The following COIL variants were observed in gnomAD, a reference collection of about 807,000 sequenced individuals.
COIL encodes coilin.
COIL carries 28 observed loss-of-function variants against 51.6 expected under a neutral mutation model. The ratio of observed to expected loss-of-function variants is 0.54; its 90% CI spans 0.40 to 0.74. COIL has a LOEUF of 0.74. Among genes scored for constraint, COIL ranks in the 30% least tolerant of loss-of-function variants. The probability of loss-of-function intolerance (pLI) is 0.00; values close to 1 mark genes in which losing one functional copy is unlikely to be tolerated. For missense variants in COIL, 667 were observed against 685.9 expected (o/e 0.97, Z 0.31); for synonymous variants, 233 against 255.8 (o/e 0.91, Z 0.85).
intron 5 of COIL, among the ~76,000 whole-genome samples, chr17:56,944,055 C>T (rs1910197797): frequency 6.6e-6 from 1 of 150,482 alleles, no homozygotes; most frequent in South Asian, 2.1e-4. Flanking sequence ...TTTTTTACGA[C>T]AGAGTCTCAC....
Position 56,946,488 on chromosome 17 carries a change from A to T in COIL, c.1512T>A (p.Asn504Lys), listed in dbSNP as rs1271668065. The T allele has an allele frequency of 3.1e-6, 5 of 1,611,344 alleles. No individual in the cohort carries two copies. Among genetic ancestry groups the T allele is most frequent in the Non-Finnish European group, 4.2e-6 (5 of 1,177,994 alleles). Residue 504 changes from asparagine to lysine, a missense_variant, in exon 5 of 7, where the codon AAT (asparagine) becomes AAA (lysine). By Grantham distance (94) the Asn-to-Lys change is moderately conservative. Coordinates refer to ENST00000240316, the MANE Select transcript of COIL (RefSeq NM_004645.3). Reference protein sequence around the residue: ...DYKEGRILSHNPETQQVDIEI... With the variant: ...DYKEGRILSHKPETQQVDIEI... ...CTATATCTACTTGCTGGGTCTCTGG[A>T]TTGTGGCTTAATATTCTTCCTTCCT... is the stretch of plus-strand genomic sequence containing the variant.
At chr17:56,951,883 C>G (rs1281184314) in intron 1 of COIL, 1 of 159,188 alleles carries the variant, frequency 6.3e-6, no homozygotes, top group Non-Finnish European at 1.4e-5. Flanking sequence ...TCACTACAAC[C>G]TCTCCCTCCC....
chr17:56,943,670 G>A (rs894353231), intron 5 of COIL, among the ~76,000 whole-genome samples: 9 of 152,108 alleles, frequency 5.9e-5, no homozygotes, highest in Admixed American at 2.6e-4. Context: ...ATCATGACGC[G>A]TATCTGTTAT....
intron 1 of COIL, chr17:56,952,248 T>C: frequency 1.0e-5 from 5 of 493,390 alleles, no homozygotes; most frequent in South Asian, 7.4e-5. Flanking sequence ...GCCTCAGATT[T>C]GACGTGCAAC....
Position 56,942,030 on chromosome 17 carries a change from C to T in COIL, c.1647+5G>A. 1.2e-6 allele frequency: 2 copies of T among 1,611,778 alleles called. No homozygotes were observed. The highest frequency in any genetic ancestry group is 2.2e-5 in the East Asian group (1 of 44,862). On this transcript the variant is annotated splice_donor_5th_base_variant and intron_variant, in intron 6 of 6. Coordinates refer to ENST00000240316, the MANE Select transcript of COIL (RefSeq NM_004645.3). Reference sequence around the variant, plus strand: ...CAAGCAACGCAAGAAGAGAAGCACACCTACCTTGCTCTCCTGTGTCACAGC... The same window carrying T: ...CAAGCAACGCAAGAAGAGAAGCACATCTACCTTGCTCTCCTGTGTCACAGC...
At chr17:56,957,488 G>T (rs1430380504) in intron 1 of COIL, among the ~76,000 whole-genome samples, 2 of 151,422 alleles carry the variant, frequency 1.3e-5, no homozygotes, top group East Asian at 3.9e-4. Context: ...CTGGCATGGT[G>T]GCGGGTGCCT....
chr17:56,960,310 G>A (rs756643147), intron 1 of COIL, among the ~76,000 whole-genome samples: 1 of 149,940 alleles, frequency 6.7e-6, no homozygotes, highest in Non-Finnish European at 1.5e-5. Flanking sequence ...GATCAACTGA[G>A]GTCAGGAGTT....
At chr17:56,953,431 ATAC>A (rs1321784613) in intron 1 of COIL, among the ~76,000 whole-genome samples, 2 of 146,688 alleles carry the variant, frequency 1.4e-5, no homozygotes, top group Non-Finnish European at 3.0e-5. Flanking sequence ...AAAAAAAAAA[ATAC>A]AAACATTAGG....
rs1910082852 is a variant in COIL at position 56,938,512 on chromosome 17, A to T, written c.*559T>A. On this transcript the variant is annotated 3_prime_UTR_variant, in exon 7 of 7. Coordinates refer to ENST00000240316, the MANE Select transcript of COIL (RefSeq NM_004645.3). ...CTACACAGGGACCTGAGAATCCTTA[A>T]TTTTAAAGTTGGGAAAAACGTGAAA... is the stretch of plus-strand genomic sequence containing the variant. 6.6e-6 allele frequency: 1 copy of T among 152,304 alleles called. No individual in the cohort carries two copies. The highest frequency in any genetic ancestry group is 1.5e-5 in the Non-Finnish European group (1 of 68,160). 9.4% of individuals were successfully genotyped at this position (152,304 alleles called of 1,614,324 possible).
At chr17:56,953,207 C>G (rs375906342) in intron 1 of COIL, among the ~76,000 whole-genome samples, 10 of 151,704 alleles carry the variant, frequency 6.6e-5, no homozygotes, top group East Asian at 1.9e-4. Flanking sequence ...GTCAGGAGAT[C>G]GAGACCATCC....
In COIL at chr17:56,946,494, G is replaced by T; in HGVS notation, c.1506C>A (p.Ser502Arg). The T allele has an allele frequency of 6.2e-7, 1 of 1,610,288 alleles. No individual in the cohort carries two copies. Among genetic ancestry groups the T allele is most frequent in the East Asian group, 2.2e-5 (1 of 44,820 alleles). The change falls in exon 5 of 7, where the codon AGC (serine) becomes AGA (arginine). Residue 502 changes from serine (S) to arginine (R), a missense_variant. Ser to Arg is a moderately radical substitution (Grantham distance 110). Coordinates refer to ENST00000240316, the MANE Select transcript of COIL (RefSeq NM_004645.3). ...VSDYKEGRIL[S>R]HNPETQQVDI... is the part of the protein sequence containing the mutation. ...CTACTTGCTGGGTCTCTGGATTGTG[G>T]CTTAATATTCTTCCTTCCTTTCAAA...
chr17:56,947,896 A>G (rs537931879), intron 4 of COIL, among the ~76,000 whole-genome samples: 3 of 152,274 alleles, frequency 2.0e-5, no homozygotes, highest in East Asian at 3.9e-4. Context: ...TTTCTATGGT[A>G]GGGTGACAAA....
intron 1 of COIL, among the ~76,000 whole-genome samples, chr17:56,955,238 G>C (rs1227407403): frequency 2.0e-5 from 3 of 152,088 alleles, no homozygotes; most frequent in Non-Finnish European, 4.4e-5. Context: ...CTAACTTTTT[G>C]TATTTTTAGT....
Position 56,950,518 on chromosome 17 carries a change from CT to C in COIL, c.723del (p.Glu242ArgfsTer55), listed in dbSNP as rs777368559. On this transcript the variant is annotated frameshift_variant, in exon 2 of 7. Transcript: ENST00000240316. LOFTEE classifies it high-confidence loss of function. ...GACTCCGAGGAGGAACTGGGACTCT[CT>C]TTTGAGCAAACGCTTACACTACCTT... ...KRKGSVSVCS[K>X]ESPSSSSESE... 6.2e-7 allele frequency: 1 copy of C among 1,614,228 alleles called. No individual in the cohort carries two copies. Among genetic ancestry groups the C allele is most frequent in the East Asian group, 2.2e-5 (1 of 44,888 alleles).
rs565533586 is a variant in COIL at position 56,949,446 on chromosome 17, G to A, written c.1441-12C>T. 11 of 1,604,356 alleles carry A rather than the reference G, an allele frequency of 6.9e-6. No homozygotes were observed. In the African/African-American group the frequency reaches 1.3e-4, roughly 20 times the overall value. ...GTTAGCTCCAAAAGCTAAAAAAGAA[G>A]AAAAAACCCACAAATACATAAGCCC... On this transcript the variant is annotated splice_polypyrimidine_tract_variant and intron_variant, in intron 3 of 6. Coordinates refer to ENST00000240316, the MANE Select transcript of COIL (RefSeq NM_004645.3).
intron 6 of COIL, among the ~76,000 whole-genome samples, chr17:56,941,492 C>A (rs577184871): frequency 6.6e-6 from 1 of 152,324 alleles, no homozygotes; most frequent in East Asian, 1.9e-4. Context: ...ATCGCTCGAA[C>A]CTGAGAGGTG....
intron 1 of COIL, among the ~76,000 whole-genome samples, chr17:56,955,346 G>A (rs1158967189): frequency 2.6e-5 from 4 of 152,208 alleles, no homozygotes; most frequent in African/African-American, 7.2e-5. Flanking sequence ...TTACAGGCGT[G>A]AGCCACCATG....
In COIL at chr17:56,957,536, C is replaced by A. The variant is rs185639714; in HGVS notation, c.245+3239G>T. ...ACTCGGGAGGCTGAGGCAGGAGAAT[C>A]GCTTGAACCTGGGAGGCAGATGTTG... On this transcript the variant is annotated intron_variant, in intron 1 of 6. Transcript: ENST00000240316. Among the ~76,000 whole-genome samples the A allele has an allele frequency of 8.7e-3, 1,308 of 150,904 alleles. 27 individuals are homozygous for A. Among genetic ancestry groups the A allele is most frequent in the African/African-American group, 0.03 (1,242 of 41,180 alleles).
rs201520115 is a variant in COIL, at chr17:56,961,048, G to A, written c.-29C>T. ...GCTTGGTGCTCAACGGAAGCCGAGA[G>A]ATACCACGGGGCCACCGAGAGGCGT... On this transcript the variant is annotated 5_prime_UTR_variant, in exon 1 of 7. Transcript: ENST00000240316. 6.2e-7 allele frequency: 1 copy of A among 1,604,510 alleles called. No homozygotes were observed. The highest frequency in any genetic ancestry group is 8.5e-7 in the Non-Finnish European group (1 of 1,176,632).
Sources: allele counts gnomAD v4.1 joint callset (sites outside exome capture counted in the v4.1 genomes callset), GRCh38; gene constraint gnomAD v4.1.1; transcripts MANE v1.5; gene names NCBI Gene and HGNC (gene_info 2026-07-23, HGNC 2026-07-21).